PTPN14: variants seen among roughly 807,000 people sequenced by gnomAD.
The protein encoded by PTPN14 is tyrosine-protein phosphatase non-receptor type 14.
In PTPN14, 53 loss-of-function variants were observed where a neutral mutation model predicts 126.8. The ratio of observed to expected loss-of-function variants is 0.42; its 90% CI spans 0.34 to 0.53. PTPN14 has a LOEUF of 0.53. Among genes scored for constraint, PTPN14 ranks in the 20% least tolerant of loss-of-function variants. The probability of loss-of-function intolerance (pLI) is 0.08; values close to 1 mark genes in which losing one functional copy is unlikely to be tolerated. For synonymous variants in PTPN14, 630 were observed against 599.3 expected, an observed-to-expected ratio of 1.05 and a Z score of -0.75; for missense variants, 1,257 against 1,552.9, an observed-to-expected ratio of 0.81 and a Z score of 3.20.
At chr1:214,441,627 A>ACC (rs1424977137) in intron 3 of PTPN14, among the ~76,000 whole-genome samples, 1 of 152,086 alleles carries the variant, frequency 6.6e-6, no homozygotes, top group African/African-American at 2.4e-5. Context: ...TCTCAATCCC[A>ACC]CCCATTGTAA....
intron 2 of PTPN14, 79 bp from the exon 3 acceptor site, chr1:214,452,053 A>G: frequency 1.4e-6 from 2 of 1,473,712 alleles, no homozygotes; most frequent in Non-Finnish European, 1.8e-6. Flanking sequence ...AGACTCCAGC[A>G]TGCTGCATCC....
At chr1:214,390,646 G>A (rs1315714104) in intron 11 of PTPN14, among the ~76,000 whole-genome samples, 2 of 152,108 alleles carry the variant, frequency 1.3e-5, no homozygotes, top group East Asian at 1.9e-4. Context: ...TGTGGAGCTC[G>A]TAACTGAAGA....
intron 2 of PTPN14, 124 bp downstream of exon 2, chr1:214,464,506 G>A (rs939819016): frequency 2.7e-5 from 35 of 1,281,540 alleles, no homozygotes; most frequent in African/African-American, 1.0e-4. Flanking sequence ...TAAACACATC[G>A]TCGCTTAGGC....
chr1:214,474,950 A>G (rs1200721967), intron 1 of PTPN14, among the ~76,000 whole-genome samples: 2 of 152,174 alleles, frequency 1.3e-5, no homozygotes, highest in African/African-American at 4.8e-5. Flanking sequence ...AGGCATTCTA[A>G]GTACATCTTG....
intron 1 of PTPN14, among the ~76,000 whole-genome samples, chr1:214,548,800 A>C (rs1656035100): frequency 6.6e-6 from 1 of 152,220 alleles, no homozygotes; most frequent in Non-Finnish European, 1.5e-5. Context: ...AATTATTCTA[A>C]AAATTCTGAT....
chr1:214,413,854 A>C (rs111730170), intron 4 of PTPN14, among the ~76,000 whole-genome samples: 30 of 152,152 alleles, frequency 2.0e-4, no homozygotes, highest in African/African-American at 7.2e-4. Context: ...TTTTTATTAG[A>C]GACAAGGTTT....
rs1229955586 is a variant in PTPN14, at chr1:214,482,405, T to C, written c.-154-17448A>G. 8.5e-5 allele frequency among the ~76,000 whole-genome samples: 13 copies of C among 152,382 alleles called. No individual in the cohort carries two copies. The East Asian group carries it at 1.7e-3, about 20-fold the overall frequency. On this transcript the variant is annotated intron_variant, in intron 1 of 18. Transcript: ENST00000366956. The stretch of plus-strand genomic sequence containing the variant: ...ACATACTTGGTTCTTTAAATAACAA[T>C]TGTGTGACAAATAGCAGAAGGAATT...
Position 214,450,792 on chromosome 1 carries a change from A to C in PTPN14, c.344+1013T>G, listed in dbSNP as rs111299863. 5.9e-3 allele frequency among the ~76,000 whole-genome samples: 895 copies of C among 152,372 alleles called. 4 individuals are homozygous for C. The highest frequency in any genetic ancestry group is 9.3e-3 in the Non-Finnish European group (631 of 68,036). On this transcript the variant is annotated intron_variant, in intron 3 of 18. Transcript: ENST00000366956. ...TCTTACCAATAAATGAACTATACCA[A>C]CATCAAAAAAATGCACTTATTCCAT...
intron 12 of PTPN14, among the ~76,000 whole-genome samples, chr1:214,385,684 C>G (rs1348817981): frequency 6.6e-6 from 1 of 152,050 alleles, no homozygotes; most frequent in Non-Finnish European, 1.5e-5. Context: ...ATGAGCAAAA[C>G]AGAGAAACAG....
intron 13 of PTPN14, among the ~76,000 whole-genome samples, chr1:214,380,681 C>T (rs202049275): frequency 6.6e-6 from 1 of 152,192 alleles, no homozygotes; most frequent in East Asian, 1.9e-4. Context: ...TCATTGTGTT[C>T]TGATCAAGAG....
intron 16 of PTPN14, among the ~76,000 whole-genome samples, chr1:214,371,920 G>A (rs1658227736): frequency 6.6e-6 from 1 of 152,094 alleles, no homozygotes; most frequent in Non-Finnish European, 1.5e-5. Context: ...ACATAGCTAG[G>A]AAAGGCCACT....
At chr1:214,437,531 T>C (rs17022934) in intron 3 of PTPN14, among the ~76,000 whole-genome samples, 5,961 of 152,254 alleles carry the variant, frequency 0.039, 380 homozygotes, top group African/African-American at 0.13. Flanking sequence ...CTCATTATAT[T>C]ATGCATAATC....
chr1:214,471,361 G>C (rs1299627058), intron 1 of PTPN14, among the ~76,000 whole-genome samples: 1 of 152,218 alleles, frequency 6.6e-6, no homozygotes, highest in African/African-American at 2.4e-5. Context: ...TTTAACCAGA[G>C]AGGGGCAGAA....
intron 2 of PTPN14, among the ~76,000 whole-genome samples, chr1:214,463,325 AAGAG>A (rs34189739): frequency 6.6e-6 from 1 of 151,430 alleles, no homozygotes; most frequent in Non-Finnish European, 1.5e-5. Flanking sequence ...CAACGAGAAA[AAGAG>A]AGCCAGCTAC....
At chr1:214,374,548 A>T (rs1347187829) in intron 15 of PTPN14, among the ~76,000 whole-genome samples, 1 of 152,240 alleles carries the variant, frequency 6.6e-6, no homozygotes, top group Non-Finnish European at 1.5e-5. Flanking sequence ...GCTGAGGTAG[A>T]TTTCACACAT....
At chr1:214,497,810 C>T (rs1176380113) in intron 1 of PTPN14, among the ~76,000 whole-genome samples, 4 of 151,866 alleles carry the variant, frequency 2.6e-5, no homozygotes, top group African/African-American at 9.7e-5. Flanking sequence ...AGGAAAAGTT[C>T]TGTGAGGAAA....
rs1658925493 is a variant in PTPN14, at chr1:214,397,980, G to C, written c.691C>G (p.His231Asp). 1.2e-6 allele frequency: 2 copies of C among 1,612,624 alleles called. No individual in the cohort carries two copies. The highest frequency in any genetic ancestry group is 1.7e-6 in the Non-Finnish European group (2 of 1,178,674). The change falls in exon 8 of 19, where the codon CAC becomes GAC. Residue 231 changes from histidine (H) to aspartate (D), a missense_variant. Physicochemically the swap from His to Asp is moderately conservative, Grantham distance 81. Transcript: ENST00000366956. ...ATCCCCATAAAGAAAATGCCAAGGT[G>C]TACACAGTTTCCATGATTGTCCTGG... ...PVKDNHGNCV[H>D]LGIFFMGIFV... is the part of the protein sequence containing the mutation.
chr1:214,410,434 AGGTG>A (rs1465115874), intron 5 of PTPN14, among the ~76,000 whole-genome samples: 4 of 151,978 alleles, frequency 2.6e-5, no homozygotes, highest in African/African-American at 9.7e-5. Flanking sequence ...CTGGGACTAG[AGGTG>A]TGTGCCACCA....
At chr1:214,540,137 TA>T (rs1274091404) in intron 1 of PTPN14, among the ~76,000 whole-genome samples, 1 of 152,158 alleles carries the variant, frequency 6.6e-6, no homozygotes, top group Non-Finnish European at 1.5e-5. Flanking sequence ...TGTACTGATT[TA>T]AAAAGCACAA....
Sources: gnomAD v4.1 joint callset for allele counts (sites outside exome capture counted in the v4.1 genomes callset) on GRCh38, gnomAD v4.1.1 for gene constraint, MANE v1.5 for transcripts, NCBI Gene and HGNC (gene_info 2026-07-23, HGNC 2026-07-21) for gene names.